ZBED4: variants seen among roughly 807,000 people sequenced by gnomAD.
The protein encoded by ZBED4 is zinc finger BED domain-containing protein 4.
A neutral mutation model predicts 15.5 loss-of-function variants in ZBED4; 4 were observed. That is an observed-to-expected ratio of 0.26 (90% CI 0.13 to 0.59). The LOEUF (loss-of-function observed/expected upper bound fraction) is 0.59, where lower values mean the gene tolerates loss of function less well. ZBED4 is among the 20% of genes least tolerant of loss of function. The pLI, the probability that ZBED4 is intolerant of heterozygous loss-of-function variation, is 0.90. For synonymous variants in ZBED4, 692 were observed against 608.5 expected (o/e 1.14, Z -2.02); for missense variants, 1,323 against 1,461.8 (o/e 0.91, Z 1.55).
intron 1 of ZBED4, among the ~76,000 whole-genome samples, chr22:49,854,737 C>G (rs752903168): frequency 6.6e-6 from 1 of 152,056 alleles, no homozygotes; most frequent in African/African-American, 2.4e-5. Context: ...ACCCGGGCAC[C>G]TCTGTGGAAA....
intron 1 of ZBED4, among the ~76,000 whole-genome samples, chr22:49,882,209 G>A (rs546373158): frequency 6.6e-6 from 1 of 152,326 alleles, no homozygotes; most frequent in African/African-American, 2.4e-5. Flanking sequence ...CACTCCCTGT[G>A]TCCCTTGAAG....
At chr22:49,877,850 CT>C (rs1437765466) in intron 1 of ZBED4, among the ~76,000 whole-genome samples, 1 of 152,146 alleles carries the variant, frequency 6.6e-6, no homozygotes, top group Admixed American at 6.5e-5. Flanking sequence ...GCCCTTTGGC[CT>C]CCCGCACTCT....
chr22:49,885,782 G>A lies in ZBED4; in HGVS notation c.2120G>A (p.Gly707Asp). 6.2e-7 allele frequency: 1 copy of A among 1,606,416 alleles called. No individual in the cohort carries two copies. The highest frequency in any genetic ancestry group is 8.5e-7 in the Non-Finnish European group (1 of 1,174,364). ...TACTTCTCCAGGACAGCTATCCCAG[G>A]TATGTATGATAATGTGAAGCAGATA... Reference protein sequence around the residue: ...PSYFSRTAIPGMYDNVKQIIM... With the variant: ...PSYFSRTAIPDMYDNVKQIIM... The change falls in exon 2 of 2, where the codon GGT becomes GAT. Residue 707 changes from glycine to aspartate, a missense_variant. By Grantham distance (94) the Gly-to-Asp change is moderately conservative. This residue lies in a region of ZBED4 where 89 missense variants were observed against 129.8 expected (regional missense o/e 0.69). Coordinates refer to ENST00000216268, the MANE Select transcript of ZBED4 (RefSeq NM_014838.3).
intron 1 of ZBED4, among the ~76,000 whole-genome samples, chr22:49,866,867 T>G (rs1262584709): frequency 2.0e-5 from 3 of 152,220 alleles, no homozygotes; most frequent in Non-Finnish European, 4.4e-5. Context: ...ATCAAGATGC[T>G]GGCGGCTCTT....
chr22:49,863,528 G>A (rs1176347985), intron 1 of ZBED4, among the ~76,000 whole-genome samples: 1 of 152,040 alleles, frequency 6.6e-6, no homozygotes, highest in East Asian at 1.9e-4. Flanking sequence ...TCAGGAGGCT[G>A]AGGCAGGAGA....
chr22:49,858,906 T>G (rs1354718271), intron 1 of ZBED4, among the ~76,000 whole-genome samples: 1 of 152,180 alleles, frequency 6.6e-6, no homozygotes, highest in Non-Finnish European at 1.5e-5. Context: ...GTGGGAGGCC[T>G]GATTTGATAC....
At chr22:49,861,509 C>T (rs1192596476) in intron 1 of ZBED4, among the ~76,000 whole-genome samples, 1 of 151,902 alleles carries the variant, frequency 6.6e-6, no homozygotes, top group Non-Finnish European at 1.5e-5. Context: ...TCTTGGCTTA[C>T]CGCAGCCTCG....
chr22:49,886,775 C>CTAG lies in ZBED4; in HGVS notation c.3115_3116insGTA (p.Ser1038dup), dbSNP rs2060441821. ...ATCAGGGAACTCGAACTCATGAATT[C>CTAG]TACCTCAGAGGACGTGGCTGCCTCC... On this transcript the variant is annotated inframe_insertion, in exon 2 of 2. Coordinates refer to ENST00000216268, the MANE Select transcript of ZBED4 (RefSeq NM_014838.3). This position sits in a 1 kb window ranked among gnomAD's most constrained non-coding sequence, Gnocchi z 7.7. 6.2e-7 allele frequency: 1 copy of CTAG among 1,612,268 alleles called. No homozygotes were observed. The highest frequency in any genetic ancestry group is 2.2e-5 in the East Asian group (1 of 44,870).
chr22:49,878,612 A>G (rs944219281), intron 1 of ZBED4, among the ~76,000 whole-genome samples: 5 of 152,264 alleles, frequency 3.3e-5, no homozygotes, highest in Admixed American at 3.3e-4. Context: ...AACTTCTAAA[A>G]GACAACACAG....
At chr22:49,856,634 CCGGCCGGCTTCCCATCCCTCGTTCTAGG>C (rs1311864010) in intron 1 of ZBED4, among the ~76,000 whole-genome samples, 6 of 36,452 alleles carry the variant, frequency 1.6e-4, no homozygotes, top group African/African-American at 2.2e-4. Context: ...CACTGGAATC[CCGGCCGGCTTCCCATCCCTCGTTCTAGG>C]TGAAGGCCGC....
chr22:49,885,228 C>T lies in ZBED4; in HGVS notation c.1566C>T (p.Asn522=), dbSNP rs752544877. 2.5e-6 allele frequency: 4 copies of T among 1,612,796 alleles called. No homozygotes were observed. In the Admixed American group the frequency reaches 5.0e-5, roughly 20 times the overall value. Residue 522 remains asparagine (N), a synonymous_variant, in exon 2 of 2, where the codon AAC becomes AAT. Coordinates refer to ENST00000216268, the MANE Select transcript of ZBED4 (RefSeq NM_014838.3). The part of the protein sequence containing the change: ...QKGFLGASLA[N]SPYATLASAE... Reference sequence around the variant, plus strand: ...GCTTCCTGGGTGCAAGTCTGGCAAACTCTCCGTATGCCACTTTGGCCTCTG... The same window carrying T: ...GCTTCCTGGGTGCAAGTCTGGCAAATTCTCCGTATGCCACTTTGGCCTCTG...
In ZBED4 at chr22:49,884,421, G is replaced by T. The variant is rs2060425841; in HGVS notation, c.759G>T (p.Gly253=). 3.7e-6 allele frequency: 6 copies of T among 1,613,924 alleles called. No individual in the cohort carries two copies. Among genetic ancestry groups the T allele is most frequent in the Non-Finnish European group, 5.1e-6 (6 of 1,179,920 alleles). The change falls in exon 2 of 2, where the codon GGG becomes GGT. Residue 253 remains glycine (G), a synonymous_variant. Coordinates refer to ENST00000216268, the MANE Select transcript of ZBED4 (RefSeq NM_014838.3). Reference sequence around the variant, plus strand: ...GCGGCAGAGAAGAAGCCCTGGTGGGGTCGTCTCCCCACCTCCCTGCTCTCC... The same window carrying T: ...GCGGCAGAGAAGAAGCCCTGGTGGGTTCGTCTCCCCACCTCCCTGCTCTCC... ...EKCGREEALV[G]SSPHLPALHY...
At chr22:49,857,689 T>G (rs947650675) in intron 1 of ZBED4, among the ~76,000 whole-genome samples, 1 of 152,178 alleles carries the variant, frequency 6.6e-6, no homozygotes, top group Non-Finnish European at 1.5e-5. Context: ...TCTCCTGGAT[T>G]CAAGTGATTC....
chr22:49,860,757 C>A (rs1417476571), intron 1 of ZBED4, among the ~76,000 whole-genome samples: 2 of 151,646 alleles, frequency 1.3e-5, no homozygotes, highest in Non-Finnish European at 2.9e-5. Flanking sequence ...CCTTTCTTAT[C>A]CCCACCACTC....
chr22:49,861,288 C>T (rs1459522160), intron 1 of ZBED4, among the ~76,000 whole-genome samples: 1 of 151,898 alleles, frequency 6.6e-6, no homozygotes, highest in Non-Finnish European at 1.5e-5. Context: ...ACTACAGGCA[C>T]CCGCCACCAC....
Position 49,869,440 on chromosome 22 carries a change from C to G in ZBED4, c.-329-13894C>G, listed in dbSNP as rs1020882878. Reference sequence around the variant, plus strand: ...TGACTGGAGAACACTCTTGCGTGGACTTTAGTGTGGGTCACTTAGAGACAC... The same window carrying G: ...TGACTGGAGAACACTCTTGCGTGGAGTTTAGTGTGGGTCACTTAGAGACAC... On this transcript the variant is annotated intron_variant, in intron 1 of 1. Transcript: ENST00000216268. Among the ~76,000 whole-genome samples, 3 of 152,336 alleles carry G rather than the reference C, an allele frequency of 2.0e-5. No individual in the cohort carries two copies. In the East Asian group the frequency reaches 5.8e-4, roughly 29 times the overall value.
chr22:49,883,700 G>A lies in ZBED4; in HGVS notation c.38G>A (p.Gly13Asp), dbSNP rs2060421314. ...NNLKTCPKED[G>D]DFVSDKIKFK... ...TTGAAAACTTGTCCCAAAGAGGACG[G>A]TGATTTCGTTTCTGATAAAATAAAG... Residue 13 changes from glycine to aspartate, a missense_variant, in exon 2 of 2, where the codon GGT becomes GAT. This residue lies in a region of ZBED4 where 380 missense variants were observed against 413.7 expected (regional missense o/e 0.92). Transcript: ENST00000216268. 1 of 1,602,232 alleles carries A rather than the reference G, an allele frequency of 6.2e-7. No individual in the cohort carries two copies. The highest frequency in any genetic ancestry group is 1.3e-5 in the African/African-American group (1 of 74,598).
At chr22:49,874,098 G>C (rs6009909) in intron 1 of ZBED4, among the ~76,000 whole-genome samples, 8,493 of 152,266 alleles carry the variant, frequency 0.056, 639 homozygotes, top group African/African-American at 0.17. Flanking sequence ...CCTGTCGTCT[G>C]CCCATCAAGG....
intron 1 of ZBED4, among the ~76,000 whole-genome samples, chr22:49,861,777 T>C (rs1425001314): frequency 6.6e-6 from 1 of 152,172 alleles, no homozygotes; most frequent in Non-Finnish European, 1.5e-5. Flanking sequence ...TGTATGAATG[T>C]GTGGGTCCTA....
Sources: gnomAD v4.1 joint callset for allele counts (sites outside exome capture counted in the v4.1 genomes callset) on GRCh38, gnomAD v4.1.1 for gene constraint, gnomAD v4.1.1 regional missense constraint, Gnocchi (gnomAD v3.1) non-coding constraint, MANE v1.5 for transcripts, NCBI Gene and HGNC (gene_info 2026-07-23, HGNC 2026-07-21) for gene names.